The following MAX variants were observed in gnomAD, a reference collection of about 807,000 sequenced individuals.
MAX encodes the protein MYC associated transcriptional regulator X.
Under a neutral mutation model 22.3 loss-of-function variants are expected in MAX, and 3 were observed. The ratio of observed to expected loss-of-function variants is 0.13; its 90% CI spans 0.06 to 0.35. The LOEUF is 0.35. Among genes scored for constraint, MAX ranks in the 10% least tolerant of loss-of-function variants. The pLI is 1.00. For missense variants in MAX, 119 were observed against 209.4 expected (o/e 0.57, Z 2.66); for synonymous variants, 72 against 77.7 (o/e 0.93, Z 0.39).
rs1188545756 is a variant in MAX, at chr14:65,038,327, T to G, written c.172-32043A>C. Reference sequence around the variant, plus strand: ...CGGGAGGCTGAGGCAGGAGAATTGCTTGAACCCAGGAGGCAGAGGTTGCAG... The same window carrying G: ...CGGGAGGCTGAGGCAGGAGAATTGCGTGAACCCAGGAGGCAGAGGTTGCAG... On this transcript the variant is annotated intron_variant, in intron 3 of 3. Transcript: ENST00000341653. Among the ~76,000 whole-genome samples, 3 of 151,966 alleles carry G rather than the reference T, an allele frequency of 2.0e-5. No individual in the cohort carries two copies. The East Asian group carries it at 5.9e-4, about 30-fold the overall frequency.
intron 3 of MAX, among the ~76,000 whole-genome samples, chr14:65,037,329 C>G (rs1292637246): frequency 2.8e-5 from 4 of 144,060 alleles, no homozygotes; most frequent in African/African-American, 1.0e-4. Flanking sequence ...GTCTCGAACT[C>G]CTGACCTCAA....
At chr14:65,017,380 T>C (rs1436100235) in intron 3 of MAX, among the ~76,000 whole-genome samples, 1 of 152,130 alleles carries the variant, frequency 6.6e-6, no homozygotes, top group African/African-American at 2.4e-5. Context: ...GGGATTTCTG[T>C]GAGCCTGGAT....
intron 2 of MAX, among the ~76,000 whole-genome samples, chr14:65,094,641 A>C (rs1011173334): frequency 2.0e-5 from 3 of 152,244 alleles, no homozygotes; most frequent in Non-Finnish European, 4.4e-5. Flanking sequence ...GCTTGGAATC[A>C]CAAAGAACGG....
intron 3 of MAX, among the ~76,000 whole-genome samples, chr14:65,065,988 C>T (rs1233211537): frequency 5.3e-5 from 8 of 152,208 alleles, no homozygotes; most frequent in Admixed American, 4.6e-4. Context: ...GTATCTGCTG[C>T]CTCCAAAGCC....
At chr14:65,026,579 G>A (rs931954853) in intron 3 of MAX, among the ~76,000 whole-genome samples, 1 of 152,168 alleles carries the variant, frequency 6.6e-6, no homozygotes, top group Non-Finnish European at 1.5e-5. Context: ...GTGTTTTTCA[G>A]CCGGATGCAG....
intron 3 of MAX, chr14:65,061,326 C>A: frequency 1.2e-6 from 2 of 1,613,192 alleles, no homozygotes; most frequent in Non-Finnish European, 1.7e-6. Flanking sequence ...ACCTGGGTCC[C>A]GGCAGCTCTT....
chr14:65,074,601 T>C (rs1242368831), downstream of MAX, among the ~76,000 whole-genome samples: 1 of 152,210 alleles, frequency 6.6e-6, no homozygotes, highest in African/African-American at 2.4e-5. Flanking sequence ...ATAATTCCTT[T>C]TTCTTCCAAG....
chr14:65,064,942 C>A (rs960084683), intron 3 of MAX, among the ~76,000 whole-genome samples: 16 of 152,270 alleles, frequency 1.1e-4, no homozygotes, highest in African/African-American at 3.9e-4. Flanking sequence ...GCCCTCCTAC[C>A]TCCAGGCCCA....
chr14:65,067,857 T>C (rs1412115093), intron 3 of MAX, among the ~76,000 whole-genome samples: 1 of 151,056 alleles, frequency 6.6e-6, no homozygotes, highest in Non-Finnish European at 1.5e-5. Context: ...GGTCTTGAAC[T>C]GCTAGACTTA....
At chr14:65,091,207 C>T (rs573127697) in intron 3 of MAX, among the ~76,000 whole-genome samples, 20 of 152,204 alleles carry the variant, frequency 1.3e-4, no homozygotes, top group African/African-American at 4.3e-4. Context: ...AGTTCAAATA[C>T]CACACTTAAA....
At chr14:65,017,763 C>G (rs1320209277) in intron 3 of MAX, among the ~76,000 whole-genome samples, 1 of 152,030 alleles carries the variant, frequency 6.6e-6, no homozygotes, top group African/African-American at 2.4e-5. Context: ...TGAGACCAGC[C>G]TGGCCAACAT....
chr14:65,026,173 A>AT (rs2061977055), intron 3 of MAX, among the ~76,000 whole-genome samples: 1 of 152,206 alleles, frequency 6.6e-6, no homozygotes, highest in Admixed American at 6.5e-5. Context: ...CTTGTTGTAA[A>AT]TGGAGGTTTC....
chr14:65,078,109 C>T lies in MAX; in HGVS notation c.172-73G>A, dbSNP rs141297279. The T allele has an allele frequency of 3.2e-5, 51 of 1,573,452 alleles. No individual in the cohort carries two copies. In the East Asian group the frequency reaches 7.4e-4, roughly 23 times the overall value. ...CCAGGCAGTGAGGGAACCTGGCCTG[C>T]AGCAACTGCTTGGGTGGCTGGAAAC... is the stretch of plus-strand genomic sequence containing the variant. On this transcript the variant is annotated intron_variant, in intron 3 of 4. Transcript: ENST00000358664. The surrounding 1 kb of genome is among the most constrained non-coding windows in gnomAD (Gnocchi z 6.4).
intron 3 of MAX, chr14:65,091,853 G>A (rs2063517851): frequency 6.6e-6 from 1 of 152,126 alleles, no homozygotes; most frequent in Non-Finnish European, 1.5e-5. Context: ...CAGAGCAAGA[G>A]CTCCTGTTAT....
rs1248885075 is a variant in MAX at position 65,078,553 on chromosome 14, G to A, written c.172-517C>T. Among the ~76,000 whole-genome samples, 1 of 148,152 alleles carries A rather than the reference G, an allele frequency of 6.7e-6. No homozygotes were observed. Among genetic ancestry groups the A allele is most frequent in the African/African-American group, 2.5e-5 (1 of 40,210 alleles). ...TTGTTGTTTTTTTTTTTTTGGAGAC[G>A]TAGTCTCGCTCTGTTGCCCAGGCTG... On this transcript the variant is annotated intron_variant, in intron 3 of 4. Transcript: ENST00000358664. The surrounding 1 kb of genome is among the most constrained non-coding windows in gnomAD (Gnocchi z 6.4).
Position 65,076,436 on chromosome 14 carries a change from G to T in MAX, c.*40C>A. The T allele has an allele frequency of 6.2e-7, 1 of 1,612,246 alleles. No individual in the cohort carries two copies. Among genetic ancestry groups the T allele is most frequent in the South Asian group, 1.1e-5 (1 of 90,836 alleles). Reference sequence around the variant, plus strand: ...CGAACTGAAAGGAGGATGAGACGATGGAGACAGACAGTTTTTATTGCTGGC... The same window carrying T: ...CGAACTGAAAGGAGGATGAGACGATTGAGACAGACAGTTTTTATTGCTGGC... On this transcript the variant is annotated 3_prime_UTR_variant, in exon 5 of 5. Transcript: ENST00000358664. This position sits in a 1 kb window ranked among gnomAD's most constrained non-coding sequence, Gnocchi z 6.6.
chr14:65,089,251 C>A lies in MAX; in HGVS notation c.171+4457G>T, dbSNP rs1356438839. On this transcript the variant is annotated intron_variant, in intron 3 of 4. Coordinates refer to ENST00000358664, the MANE Select transcript of MAX (RefSeq NM_002382.5). ...CCACAATTTACTAACTGAGAACCTA[C>A]TATGTGCCAGAATCTGTGATAGGAA... 2.0e-5 allele frequency among the ~76,000 whole-genome samples: 3 copies of A among 152,224 alleles called. No homozygotes were observed. The East Asian group carries it at 5.8e-4, about 29-fold the overall frequency.
At chr14:65,101,067 C>G (rs2063816750) in intron 2 of MAX, among the ~76,000 whole-genome samples, 4 of 152,108 alleles carry the variant, frequency 2.6e-5, no homozygotes. Context: ...ATTAGAATAC[C>G]ATGTTGTGCT....
intron 3 of MAX, among the ~76,000 whole-genome samples, chr14:65,026,618 C>G (rs1196903199): frequency 1.3e-5 from 2 of 152,238 alleles, no homozygotes; most frequent in African/African-American, 2.4e-5. Flanking sequence ...CCAGCACTTG[C>G]AGAGGCTGCG....
Sources: gnomAD v4.1 joint callset for allele counts (sites outside exome capture counted in the v4.1 genomes callset) on GRCh38, gnomAD v4.1.1 for gene constraint, Gnocchi (gnomAD v3.1) non-coding constraint, MANE v1.5 for transcripts, NCBI Gene and HGNC (gene_info 2026-07-23, HGNC 2026-07-21) for gene names.